Variants in CFAP65 observed in about 807,000 individuals in gnomAD.
The protein encoded by CFAP65 is cilia- and flagella-associated protein 65.
Under a neutral mutation model 208.0 loss-of-function variants are expected in CFAP65, and 155 were observed. That is an observed-to-expected ratio of 0.75 (90% CI 0.65 to 0.85). CFAP65 has a LOEUF of 0.85. Ranked by LOEUF, CFAP65 falls within the 40% of genes least tolerant of loss-of-function variation. The probability of loss-of-function intolerance (pLI) is 0.00; values close to 1 mark genes in which losing one functional copy is unlikely to be tolerated. For synonymous variants in CFAP65, 970 were observed against 986.3 expected (o/e 0.98, Z 0.31); for missense variants, 2,294 against 2,451.3 (o/e 0.94, Z 1.36).
Position 219,003,933 on chromosome 2 carries a change from CTG to C in CFAP65, c.5555+17_5555+18del. 6.2e-7 allele frequency: 1 copy of C among 1,601,100 alleles called. No individual in the cohort carries two copies. Among genetic ancestry groups the C allele is most frequent in the South Asian group, 1.1e-5 (1 of 88,616 alleles). ...GCACTTCGCCTCCCTCCCGTCCTCACTGGGGCCTGGCTGCTCACCTTCTGATG... is the reference window on the plus strand; with the variant it reads ...GCACTTCGCCTCCCTCCCGTCCTCACGGGCCTGGCTGCTCACCTTCTGATG... On this transcript the variant is annotated intron_variant, in intron 33 of 34. Coordinates refer to ENST00000341552, the MANE Select transcript of CFAP65 (RefSeq NM_194302.4). The surrounding 1 kb of genome is among the most constrained non-coding windows in gnomAD (Gnocchi z 4.4).
intron 31 of CFAP65, 63 bp downstream of exon 31, chr2:219,005,958 C>T (rs1574511864): frequency 1.3e-6 from 2 of 1,530,202 alleles, no homozygotes; most frequent in East Asian, 2.3e-5. Flanking sequence ...GCAGCCCCTG[C>T]TCTGGAGTGG....
intron 14 of CFAP65, 78 bp downstream of exon 14, chr2:219,025,944 T>C (rs1480742539): frequency 1.3e-6 from 2 of 1,544,738 alleles, no homozygotes; most frequent in African/African-American, 1.4e-5. Flanking sequence ...CATCAGAGAA[T>C]GGGAGAGGGA....
At position 219,030,156 on chromosome 2, in the gene CFAP65, T is replaced by C; in HGVS notation, c.1214A>G (p.Gln405Arg). ...ATGGGCCGTGGGGCATGAGAAGGCCTGGTCTTCGGCCAGTTCATCCGGGGA... is the reference window on the plus strand; with the variant it reads ...ATGGGCCGTGGGGCATGAGAAGGCCCGGTCTTCGGCCAGTTCATCCGGGGA... The part of the protein sequence containing the change: ...EISPDELAED[Q>R]AFSCPTAHGI... Residue 405 changes from glutamine to arginine, a missense_variant, in exon 10 of 35, where the codon CAG becomes CGG. Physicochemically the swap from Gln to Arg is conservative, Grantham distance 43. This residue lies in a region of CFAP65 where 867 missense variants were observed against 1,012.6 expected (regional missense o/e 0.86). Coordinates refer to ENST00000341552, the MANE Select transcript of CFAP65 (RefSeq NM_194302.4). The C allele has an allele frequency of 6.2e-7, 1 of 1,614,164 alleles. No homozygotes were observed. Among genetic ancestry groups the C allele is most frequent in the South Asian group, 1.1e-5 (1 of 91,086 alleles).
intron 29 of CFAP65, among the ~76,000 whole-genome samples, chr2:219,008,191 G>T (rs181158060): frequency 6.6e-6 from 1 of 152,286 alleles, no homozygotes; most frequent in East Asian, 1.9e-4. Flanking sequence ...ATGCTACAAA[G>T]AACTCTCCGT....
intron 5 of CFAP65, among the ~76,000 whole-genome samples, chr2:219,033,188 C>T (rs749615612): frequency 1.6e-4 from 24 of 152,226 alleles, no homozygotes; most frequent in Non-Finnish European, 2.5e-4. Context: ...AATCTTTCCA[C>T]AGGCCAGGCA....
chr2:219,006,477 C>T lies in CFAP65; in HGVS notation c.4707G>A (p.Ala1569=), dbSNP rs752361068. The T allele has an allele frequency of 2.2e-5, 36 of 1,613,648 alleles. No homozygotes were observed. The highest frequency in any genetic ancestry group is 7.7e-5 in the South Asian group (7 of 91,058). ...KRTCCTACEP[A]RKYKTLPPIK... Reference sequence around the variant, plus strand: ...CTCGCCGCCTCACCTTGTACTTCCTCGCAGGTTCACAGGCTGTGCAGCATG... The same window carrying T: ...CTCGCCGCCTCACCTTGTACTTCCTTGCAGGTTCACAGGCTGTGCAGCATG... Residue 1569 remains alanine (A), a synonymous_variant, in exon 30 of 35, where the codon GCG becomes GCA. Transcript: ENST00000341552.
intron 21 of CFAP65, 75 bp downstream of exon 21, chr2:219,018,976 A>G (rs1361038394): frequency 1.3e-6 from 2 of 1,581,588 alleles, no homozygotes; most frequent in African/African-American, 1.3e-5. Flanking sequence ...CGGGCAAGAG[A>G]GTGCAGCTCT....
chr2:219,011,821 G>A (rs1405615416), intron 24 of CFAP65, among the ~76,000 whole-genome samples: 2 of 152,202 alleles, frequency 1.3e-5, no homozygotes, highest in Non-Finnish European at 2.9e-5. Flanking sequence ...TATTTCTCTA[G>A]CCTGGACCAC....
At chr2:219,041,524 G>A (rs150874330), upstream of CFAP65, 1 of 1,550,494 alleles carries the variant, frequency 6.4e-7, no homozygotes, top group African/African-American at 1.4e-5. Context: ...GATACAGGAC[G>A]CGCAGGAAAC....
chr2:219,009,485 T>G (rs1946277262), intron 27 of CFAP65, 25 bp from the exon 28 acceptor site: 1 of 1,516,766 alleles, frequency 6.6e-7, no homozygotes, highest in Admixed American at 1.7e-5. Context: ...AAGGAGTCTC[T>G]GGAGATTCAC....
In CFAP65 at chr2:219,022,223, G is replaced by A. The variant is rs780852915; in HGVS notation, c.2927C>T (p.Thr976Ile). ...CACCAGCCGGAGCATGTAGTGGGTGGTGGCAGCGGGGTTGGCATTTGGGGA... is the reference window on the plus strand; with the variant it reads ...CACCAGCCGGAGCATGTAGTGGGTGATGGCAGCGGGGTTGGCATTTGGGGA... ...GLSPNANPAATTHYMLRLVGV... is the reference protein window; with the variant it reads ...GLSPNANPAAITHYMLRLVGV... The change falls in exon 17 of 35, where the codon ACC becomes ATC. Residue 976 changes from threonine to isoleucine, a missense_variant. Transcript: ENST00000341552. 6 of 1,606,500 alleles carry A rather than the reference G, an allele frequency of 3.7e-6. No individual in the cohort carries two copies. The highest frequency in any genetic ancestry group is 2.5e-6 in the Non-Finnish European group (3 of 1,176,820).
In CFAP65 at chr2:219,023,276, G is replaced by T; in HGVS notation, c.2751C>A (p.Val917=). 6.2e-7 allele frequency: 1 copy of T among 1,613,266 alleles called. No homozygotes were observed. Among genetic ancestry groups the T allele is most frequent in the Non-Finnish European group, 8.5e-7 (1 of 1,179,938 alleles). Residue 917 remains valine (V), a synonymous_variant, in exon 16 of 35, where the codon GTC becomes GTA. Coordinates refer to ENST00000341552, the MANE Select transcript of CFAP65 (RefSeq NM_194302.4). ...SRLPLQFEWR[V]SEQHRKLLAV... ...CCAGCAGCTTTCGATGCTGCTCAGA[G>T]ACCCTCCACTCGAACTGCAGGGGCA...
chr2:219,006,309 A>G (rs1574513610), intron 30 of CFAP65, 86 bp from the exon 31 acceptor site: 1 of 1,499,616 alleles, frequency 6.7e-7, no homozygotes, highest in East Asian at 2.3e-5. Flanking sequence ...GTTCCCCCAC[A>G]GGCTCTTTGG....
chr2:219,018,008 A>G (rs113329823), intron 21 of CFAP65, among the ~76,000 whole-genome samples: 4 of 152,202 alleles, frequency 2.6e-5, no homozygotes, highest in Non-Finnish European at 5.9e-5. Context: ...ATGGAGGAGA[A>G]AGGGGACAGT....
In CFAP65 at chr2:219,032,530, G is replaced by A. The variant is rs746981572; in HGVS notation, c.585C>T (p.Pro195=). The A allele has an allele frequency of 4.4e-6, 7 of 1,607,296 alleles. No individual in the cohort carries two copies. The highest frequency in any genetic ancestry group is 1.3e-5 in the African/African-American group (1 of 74,818). The part of the protein sequence containing the change: ...TKFFFTVIPQ[P]IFLSPGITLT... ...GGGTTATGCCTGGGCTCAGGAAGAT[G>A]GGCTGAGGGATGACCGTGAAGAAGA... The change falls in exon 6 of 35, where the codon CCC becomes CCT. Residue 195 remains proline, a synonymous_variant. Coordinates refer to ENST00000341552, the MANE Select transcript of CFAP65 (RefSeq NM_194302.4). The surrounding 1 kb of genome is among the most constrained non-coding windows in gnomAD (Gnocchi z 5.5).
At position 219,032,625 on chromosome 2, in the gene CFAP65, G is replaced by C. The variant is rs1948126216; in HGVS notation, c.543-53C>G. ...CTCAGATCAGGGCTCAGAACAACTG[G>C]AAGAGGCAGGAAACGAGGGAAGCCC... is the stretch of plus-strand genomic sequence containing the variant. On this transcript the variant is annotated intron_variant, in intron 5 of 34. Coordinates refer to ENST00000341552, the MANE Select transcript of CFAP65 (RefSeq NM_194302.4). This position sits in a 1 kb window ranked among gnomAD's most constrained non-coding sequence, Gnocchi z 5.5. The C allele has an allele frequency of 6.8e-7, 1 of 1,478,982 alleles. No homozygotes were observed. The highest frequency in any genetic ancestry group is 1.4e-5 in the African/African-American group (1 of 71,694). 91.6% of individuals were successfully genotyped at this position (1,478,982 alleles called of 1,614,324 possible).
intron 21 of CFAP65, chr2:219,014,281 A>G: frequency 2.6e-6 from 1 of 382,546 alleles, no homozygotes; most frequent in East Asian, 4.0e-5. Flanking sequence ...AGAAGTGAAG[A>G]GTGGGGCTCC....
intron 15 of CFAP65, 118 bp downstream of exon 15, chr2:219,023,897 G>C (rs951909294): frequency 6.4e-6 from 8 of 1,245,644 alleles, no homozygotes; most frequent in Non-Finnish European, 9.0e-6. Flanking sequence ...CTACTTCCTG[G>C]AGGAGAAGTG....
At chr2:219,008,981 T>A in intron 29 of CFAP65, 66 bp downstream of exon 29, 1 of 1,398,944 alleles carries the variant, frequency 7.1e-7, no homozygotes, top group South Asian at 1.2e-5. Flanking sequence ...GCCCACTACC[T>A]CTGTCCCCTC....
Sources: allele counts gnomAD v4.1 joint callset (sites outside exome capture counted in the v4.1 genomes callset), GRCh38; gene constraint gnomAD v4.1.1; regional missense constraint gnomAD v4.1.1; non-coding constraint Gnocchi (gnomAD v3.1); transcripts MANE v1.5; gene names NCBI Gene and HGNC (gene_info 2026-07-23, HGNC 2026-07-21).